RUFY3: variants seen among roughly 807,000 people sequenced by gnomAD.
RUFY3 encodes protein RUFY3.
Under a neutral mutation model 84.0 loss-of-function variants are expected in RUFY3, and 34 were observed. The ratio of observed to expected loss-of-function variants is 0.40; its 90% CI spans 0.31 to 0.54. RUFY3 has a LOEUF of 0.54. Ranked by LOEUF, RUFY3 falls within the 20% of genes least tolerant of loss-of-function variation. The pLI is 0.39. For synonymous variants in RUFY3, 242 were observed against 252.9 expected (o/e 0.96, Z 0.41); for missense variants, 507 against 736.8 (o/e 0.69, Z 3.61).
Position 70,715,546 on chromosome 4 carries a change from C to A in RUFY3, c.358+10252C>A, listed in dbSNP as rs568271380. Among the ~76,000 whole-genome samples, 6 of 132,996 alleles carry A rather than the reference C, an allele frequency of 4.5e-5. No individual in the cohort carries two copies. In the East Asian group the frequency reaches 1.4e-3, roughly 31 times the overall value. The allele number at this position is 132,996 out of a possible 152,430, so 87.3% of individuals were successfully genotyped here. On this transcript the variant is annotated intron_variant, in intron 1 of 11. Transcript: ENST00000417478. Reference sequence around the variant, plus strand: ...GGCAGAGGTTGCAGTGAGCCGAGATCGTGCCACTGCACCCTAACCCGGGTG... The same window carrying A: ...GGCAGAGGTTGCAGTGAGCCGAGATAGTGCCACTGCACCCTAACCCGGGTG...
intron 1 of RUFY3, among the ~76,000 whole-genome samples, chr4:70,725,519 CGG>C (rs1213370608): frequency 6.6e-6 from 1 of 151,870 alleles, no homozygotes; most frequent in Non-Finnish European, 1.5e-5. Flanking sequence ...TTAGTAGAGA[CGG>C]GGTTTTTGCA....
intron 17 of RUFY3, 90 bp downstream of exon 17, chr4:70,804,506 A>G (rs925325235): frequency 8.0e-6 from 9 of 1,120,550 alleles, no homozygotes; most frequent in Non-Finnish European, 9.4e-6. Context: ...ACTTTCCCGC[A>G]TAGAGTGCAG....
chr4:70,778,768 C>T (rs947223672), intron 8 of RUFY3, among the ~76,000 whole-genome samples: 5 of 151,790 alleles, frequency 3.3e-5, no homozygotes, highest in African/African-American at 4.8e-5. Flanking sequence ...TTAGTAGAGA[C>T]GGGGTTTCTC....
chr4:70,783,773 A>AGG (rs1172304367), intron 9 of RUFY3, among the ~76,000 whole-genome samples: 4 of 152,228 alleles, frequency 2.6e-5, no homozygotes, highest in African/African-American at 9.6e-5. Flanking sequence ...GTGCCACTTT[A>AGG]GGAGGCTATT....
Position 70,804,361 on chromosome 4 carries a change from T to G in RUFY3, c.1664T>G (p.Leu555Arg), listed in dbSNP as rs964291145. The G allele has an allele frequency of 1.9e-5, 31 of 1,613,888 alleles. No individual in the cohort carries two copies. Among genetic ancestry groups the G allele is most frequent in the Non-Finnish European group, 2.6e-5 (31 of 1,179,954 alleles). The change falls in exon 17 of 18, where the codon CTC (leucine) becomes CGC (arginine). Residue 555 changes from leucine (L) to arginine (R), a missense_variant. Leu to Arg is a moderately radical substitution (Grantham distance 102, BLOSUM62 -2). Coordinates refer to ENST00000381006, the MANE Select transcript of RUFY3 (RefSeq NM_001037442.4). ...TGTGTGGTTTAGGATCAGCTGCTGC[T>G]CTCTGAAAAGCCACAGTTGTGTCAG... ...HPMDEQDQLL[L>R]SEKPQLCQLC...
intron 10 of RUFY3, among the ~76,000 whole-genome samples, chr4:70,786,675 CA>C (rs1729871731): frequency 6.6e-6 from 1 of 152,026 alleles, no homozygotes; most frequent in Admixed American, 6.6e-5. Context: ...TACTATGTGT[CA>C]GTCATACTTT....
chr4:70,793,766 T>G lies in RUFY3; in HGVS notation c.1338-19T>G, dbSNP rs778683675. 1 of 1,613,920 alleles carries G rather than the reference T, an allele frequency of 6.2e-7. No homozygotes were observed. ...ATGGCTTTTGTTTTTTATCACAAGT[T>G]CATGTGGCTCACATCCAGATTGCGC... is the stretch of plus-strand genomic sequence containing the variant. On this transcript the variant is annotated intron_variant, in intron 12 of 17. Coordinates refer to ENST00000381006, the MANE Select transcript of RUFY3 (RefSeq NM_001037442.4).
At chr4:70,783,606 A>G (rs1646974392) in intron 9 of RUFY3, among the ~76,000 whole-genome samples, 1 of 152,230 alleles carries the variant, frequency 6.6e-6, no homozygotes, top group Non-Finnish European at 1.5e-5. Flanking sequence ...AAAGTATCAA[A>G]CTTTTTATAC....
chr4:70,719,464 G>A (rs943225138), upstream of RUFY3, among the ~76,000 whole-genome samples: 2 of 152,212 alleles, frequency 1.3e-5, no homozygotes, highest in African/African-American at 4.8e-5. Flanking sequence ...TTGTGACAAG[G>A]CCAAATTCAG....
At chr4:70,752,640 A>G (rs28769408) in intron 1 of RUFY3, among the ~76,000 whole-genome samples, 26,239 of 152,148 alleles carry the variant, frequency 0.17, 4,595 homozygotes, top group African/African-American at 0.45. Context: ...GGAACTTGTC[A>G]AGTACTTTGT....
At chr4:70,750,749 G>GT (rs59809699) in intron 1 of RUFY3, among the ~76,000 whole-genome samples, 7,584 of 151,238 alleles carry the variant, frequency 0.05, 402 homozygotes, top group East Asian at 0.21. Flanking sequence ...TGTCTCTGCA[G>GT]TTTTTTTTTG....
chr4:70,710,802 C>T (rs1740894804), intron 1 of RUFY3, among the ~76,000 whole-genome samples: 1 of 151,164 alleles, frequency 6.6e-6, no homozygotes, highest in East Asian at 2.0e-4. Flanking sequence ...GTGGCTCATG[C>T]CTGTAATCCC....
At chr4:70,801,524 A>G (rs1350845089) in intron 15 of RUFY3, among the ~76,000 whole-genome samples, 4 of 152,214 alleles carry the variant, frequency 2.6e-5, no homozygotes. Flanking sequence ...ATAAAGGTCT[A>G]CTTTAAAAGG....
Position 70,722,630 on chromosome 4 carries a change from A to G in RUFY3, c.57A>G (p.Thr19=), listed in dbSNP as rs1249888145. Residue 19 remains threonine, a synonymous_variant, in exon 1 of 18, where the codon ACA becomes ACG. Coordinates refer to ENST00000381006, the MANE Select transcript of RUFY3 (RefSeq NM_001037442.4). ...CAACCCCCACCACTGACAAGATCAC[A>G]CAGGCTGCCATGGAGACCATCTACC... ...DMPTPTTDKI[T]QAAMETIYLC... is the part of the protein sequence containing the mutation. 6.2e-7 allele frequency: 1 copy of G among 1,613,914 alleles called. No homozygotes were observed. The highest frequency in any genetic ancestry group is 2.2e-5 in the East Asian group (1 of 44,890).
chr4:70,748,639 T>C (rs192290041), intron 1 of RUFY3, among the ~76,000 whole-genome samples: 1 of 152,250 alleles, frequency 6.6e-6, no homozygotes, highest in East Asian at 1.9e-4. Context: ...CTCATGACAG[T>C]GCAAGCAGCC....
intron 1 of RUFY3, among the ~76,000 whole-genome samples, chr4:70,760,604 T>C (rs1446361428): frequency 6.6e-6 from 1 of 152,096 alleles, no homozygotes; most frequent in Non-Finnish European, 1.5e-5. Context: ...AGAATGTACA[T>C]ACATGCTGGT....
intron 1 of RUFY3, among the ~76,000 whole-genome samples, chr4:70,756,464 T>G (rs1179853380): frequency 6.6e-6 from 1 of 152,190 alleles, no homozygotes; most frequent in East Asian, 1.9e-4. Context: ...CCCTTGTCTC[T>G]TTCTCTTGTC....
At chr4:70,763,817 G>T (rs1725414342) in intron 3 of RUFY3, 148 bp downstream of exon 3, 2 of 930,152 alleles carry the variant, frequency 2.2e-6, no homozygotes, top group South Asian at 4.1e-5. Context: ...TGACAGGAGA[G>T]AATTGGTATA....
chr4:70,782,291 CT>C (rs768126305), intron 8 of RUFY3, among the ~76,000 whole-genome samples: 1,565 of 135,604 alleles, frequency 0.012, 7 homozygotes, highest in South Asian at 0.037. Flanking sequence ...TATTTTATTT[CT>C]TTTTTTTTTT....
Sources: gnomAD v4.1 joint callset for allele counts (sites outside exome capture counted in the v4.1 genomes callset) on GRCh38, gnomAD v4.1.1 for gene constraint, MANE v1.5 for transcripts, NCBI Gene and HGNC (gene_info 2026-07-23, HGNC 2026-07-21) for gene names.